ZFYVE16: variants seen among roughly 807,000 people sequenced by gnomAD.
ZFYVE16 encodes zinc finger FYVE-type containing 16, also known as zinc finger FYVE domain-containing protein 16.
Under a neutral mutation model 138.1 loss-of-function variants are expected in ZFYVE16, and 89 were observed. That is an observed-to-expected ratio of 0.64 (90% CI 0.54 to 0.77). The LOEUF (loss-of-function observed/expected upper bound fraction) is 0.77. Among genes scored for constraint, ZFYVE16 ranks in the 30% least tolerant of loss-of-function variants. The probability of loss-of-function intolerance (pLI) is 0.00; values close to 1 mark genes in which losing one functional copy is unlikely to be tolerated. For synonymous variants in ZFYVE16, 596 were observed against 618.3 expected (o/e 0.96, Z 0.53); for missense variants, 1,793 against 1,786.7 (o/e 1.00, Z -0.06).
At chr5:80,425,973 T>C (rs947493103) in intron 1 of ZFYVE16, among the ~76,000 whole-genome samples, 4 of 152,194 alleles carry the variant, frequency 2.6e-5, no homozygotes, top group African/African-American at 4.8e-5. Flanking sequence ...TTTGTACTTA[T>C]TAACTGGAAT....
At chr5:80,440,444 A>G in intron 5 of ZFYVE16, 1 of 985,908 alleles carries the variant, frequency 1.0e-6, no homozygotes, top group Non-Finnish European at 1.2e-6. Context: ...CCCTTTAGAA[A>G]ATAACAACCT....
chr5:80,423,355 A>G lies in ZFYVE16; in HGVS notation c.-93-4137A>G, dbSNP rs376434452. 1.1e-4 allele frequency among the ~76,000 whole-genome samples: 16 copies of G among 152,120 alleles called. 1 individual carries two copies. Among genetic ancestry groups the G allele is most frequent in the African/African-American group, 3.6e-4 (15 of 41,494 alleles). On this transcript the variant is annotated intron_variant, in intron 1 of 18. Transcript: ENST00000505560. The stretch of plus-strand genomic sequence containing the variant: ...TTATTATCTTTTTTGTATCCGTGGC[A>G]TCAGTAGTGATGACTCCTCTTTTAT...
chr5:80,421,123 G>A (rs1223739633), intron 1 of ZFYVE16, among the ~76,000 whole-genome samples: 3 of 152,114 alleles, frequency 2.0e-5, no homozygotes, highest in African/African-American at 4.8e-5. Context: ...CATATCCTTC[G>A]CCCACTTTTT....
chr5:80,407,807 T>A (rs1202823094), upstream of ZFYVE16, among the ~76,000 whole-genome samples: 2 of 152,100 alleles, frequency 1.3e-5, no homozygotes, highest in Admixed American at 1.3e-4. Context: ...CGCAGTCGAG[T>A]GGAGAACCGA....
intron 11 of ZFYVE16, chr5:80,454,375 G>GT (rs1323486995): frequency 5.9e-5 from 9 of 152,116 alleles, no homozygotes; most frequent in African/African-American, 2.2e-4. Flanking sequence ...TGCCTGCTGC[G>GT]TTACCAGTAA....
chr5:80,472,978 A>C, intron 16 of ZFYVE16, 55 bp downstream of exon 16: 1 of 1,406,780 alleles, frequency 7.1e-7, no homozygotes, highest in Non-Finnish European at 9.6e-7. Context: ...TGCAGGATTA[A>C]AATATCCTAT....
chr5:80,459,340 C>T (rs1752865503), intron 14 of ZFYVE16, 74 bp from the exon 15 acceptor site: 1 of 1,303,348 alleles, frequency 7.7e-7, no homozygotes. Context: ...TGCATATCCA[C>T]ATTCTGCATT....
intron 5 of ZFYVE16, chr5:80,440,434 C>A: frequency 1.0e-6 from 1 of 985,936 alleles, no homozygotes; most frequent in Non-Finnish European, 1.2e-6. Flanking sequence ...ATAGTTCACA[C>A]CCTTTAGAAA....
At chr5:80,416,969 A>G (rs368258301) in intron 1 of ZFYVE16, among the ~76,000 whole-genome samples, 6 of 152,282 alleles carry the variant, frequency 3.9e-5, no homozygotes, top group East Asian at 3.9e-4. Context: ...ATGTGTGACC[A>G]TCGGTATCCA....
intron 1 of ZFYVE16, among the ~76,000 whole-genome samples, chr5:80,423,775 T>C (rs1013056724): frequency 1.3e-5 from 2 of 151,836 alleles, no homozygotes; most frequent in Non-Finnish European, 1.5e-5. Context: ...CCTGACCTTG[T>C]GATCCGCCCA....
At chr5:80,423,038 T>C (rs149154382) in intron 1 of ZFYVE16, among the ~76,000 whole-genome samples, 2 of 152,288 alleles carry the variant, frequency 1.3e-5, no homozygotes, top group South Asian at 2.1e-4. Flanking sequence ...GCTGGTCTTA[T>C]AGTATAAGTT....
chr5:80,413,677 G>A (rs952328490), intron 1 of ZFYVE16, among the ~76,000 whole-genome samples: 1 of 152,142 alleles, frequency 6.6e-6, no homozygotes, highest in African/African-American at 2.4e-5. Flanking sequence ...ATGCATAGGA[G>A]AGAAGTTAGT....
intron 12 of ZFYVE16, 32 bp from the exon 13 acceptor site, chr5:80,456,429 G>A (rs1444504111): frequency 1.4e-6 from 2 of 1,472,184 alleles, no homozygotes; most frequent in Non-Finnish European, 9.4e-7. Context: ...CTCATGGTTA[G>A]TAGTTTATGG....
intron 1 of ZFYVE16, among the ~76,000 whole-genome samples, chr5:80,408,856 C>A (rs1036000843): frequency 2.0e-5 from 3 of 152,106 alleles, no homozygotes; most frequent in African/African-American, 4.8e-5. Flanking sequence ...CTTTTCAATT[C>A]AAAAAATAGG....
intron 5 of ZFYVE16, among the ~76,000 whole-genome samples, chr5:80,442,499 C>T (rs1750820290): frequency 6.6e-6 from 1 of 152,006 alleles, no homozygotes; most frequent in Admixed American, 6.6e-5. Context: ...ATAATGAAGC[C>T]GTGTGAGTAC....
chr5:80,466,101 C>G (rs977641409), intron 15 of ZFYVE16, among the ~76,000 whole-genome samples: 1 of 151,056 alleles, frequency 6.6e-6, no homozygotes, highest in Admixed American at 6.6e-5. Context: ...ATTTTTTGTA[C>G]TTTTAGTAGA....
chr5:80,442,126 T>C (rs897569695), intron 5 of ZFYVE16: 42 of 178,584 alleles, frequency 2.4e-4, no homozygotes, highest in Admixed American at 2.1e-3. Flanking sequence ...CTTTTTGAGA[T>C]GGAGTCTCAC....
intron 15 of ZFYVE16, among the ~76,000 whole-genome samples, chr5:80,465,396 C>CTTTTTTTTTTTTTTTTTTTTTTTTTT (rs1187412933): frequency 6.1e-4 from 16 of 26,394 alleles, no homozygotes; most frequent in South Asian, 1.4e-3. Context: ...TTTTCCTTTT[C>CTTTTTTTTTTTTTTTTTTTTTTTTTT]TTTGTTTTTT....
chr5:80,482,186 GA>G lies in ZFYVE16; in HGVS notation c.*4812del, dbSNP rs1313380257. On this transcript the variant is annotated 3_prime_UTR_variant, in exon 19 of 19. Coordinates refer to ENST00000505560, the MANE Select transcript of ZFYVE16 (RefSeq NM_001284236.3). ...TTTCTCCAAAGGAAATATATAAAGGGAAACACTGTTGAAATAAATGGAAAGC... is the reference window on the plus strand; with the variant it reads ...TTTCTCCAAAGGAAATATATAAAGGGAACACTGTTGAAATAAATGGAAAGC... 1 of 152,162 alleles carries G rather than the reference GA, an allele frequency of 6.6e-6. No individual in the cohort carries two copies. The highest frequency in any genetic ancestry group is 1.5e-5 in the Non-Finnish European group (1 of 68,024). The allele number at this position is 152,162 out of a possible 1,614,324, so 9.4% of individuals were successfully genotyped here. A position where few individuals can be genotyped will look rare whatever the true frequency, so the allele number is the denominator to read the frequency against.
Sources: allele counts gnomAD v4.1 joint callset (sites outside exome capture counted in the v4.1 genomes callset), GRCh38; gene constraint gnomAD v4.1.1; transcripts MANE v1.5; gene names NCBI Gene and HGNC (gene_info 2026-07-23, HGNC 2026-07-21).